The following NFKBIZ variants were observed in gnomAD, a reference collection of about 807,000 sequenced individuals.
The protein encoded by NFKBIZ is NFKB inhibitor zeta.
A neutral mutation model predicts 76.8 loss-of-function variants in NFKBIZ; 19 were observed. That is an observed-to-expected ratio of 0.25 (90% CI 0.17 to 0.36). The LOEUF (loss-of-function observed/expected upper bound fraction) is 0.36. NFKBIZ is among the 10% of genes least tolerant of loss of function. The pLI is 1.00. For missense variants in NFKBIZ, 829 were observed against 910.9 expected (o/e 0.91, Z 1.16); for synonymous variants, 368 against 354.8 (o/e 1.04, Z -0.42).
At chr3:101,834,493 TGGGACTACA>T (rs1024945783) in intron 2 of NFKBIZ, among the ~76,000 whole-genome samples, 12 of 152,174 alleles carry the variant, frequency 7.9e-5, no homozygotes, top group African/African-American at 2.9e-4. Context: ...CCAGAGTAGC[TGGGACTACA>T]GGCACCCGCC....
At chr3:101,837,277 T>G (rs1161957690) in intron 2 of NFKBIZ, among the ~76,000 whole-genome samples, 2 of 152,182 alleles carry the variant, frequency 1.3e-5, no homozygotes, top group African/African-American at 2.4e-5. Context: ...TAGCTTTTCT[T>G]TCTCACTAGT....
At chr3:101,836,931 C>T (rs548284838) in intron 2 of NFKBIZ, among the ~76,000 whole-genome samples, 24 of 152,266 alleles carry the variant, frequency 1.6e-4, no homozygotes, top group South Asian at 6.2e-4. Flanking sequence ...ATTATCTATT[C>T]GTATCTACTT....
At chr3:101,858,184 A>G (rs1943079331) in intron 11 of NFKBIZ, 1 of 985,238 alleles carries the variant, frequency 1.0e-6, no homozygotes, top group Non-Finnish European at 1.2e-6. Flanking sequence ...ATACTTTACT[A>G]ATCACAAAAT....
intron 2 of NFKBIZ, among the ~76,000 whole-genome samples, chr3:101,837,491 C>CAA (rs10713154): frequency 0.026 from 2,375 of 93,082 alleles, 68 homozygotes; most frequent in African/African-American, 0.082. Context: ...GATCCTGTCT[C>CAA]AAAAAAAAAA....
intron 2 of NFKBIZ, among the ~76,000 whole-genome samples, chr3:101,832,104 CTTTTTTA>C (rs1391633264): frequency 3.3e-5 from 5 of 151,862 alleles, no homozygotes; most frequent in African/African-American, 4.8e-5. Flanking sequence ...TTCTTTCTTT[CTTTTTTA>C]TTTTTTATTG....
chr3:101,857,071 A>G lies in NFKBIZ; in HGVS notation c.1825-2A>G. On this transcript the variant is annotated splice_acceptor_variant, in intron 9 of 11. Transcript: ENST00000326172. LOFTEE classifies it high-confidence loss of function. ...TTTTTCCTCCCTCTTGCCTTTGACA[A>G]GGATCGCAAAAGTGGCCGCACAGCC... 1 of 1,600,894 alleles carries G rather than the reference A, an allele frequency of 6.2e-7. No individual in the cohort carries two copies. The highest frequency in any genetic ancestry group is 8.5e-7 in the Non-Finnish European group (1 of 1,172,266).
chr3:101,829,359 T>C (rs1181444972), intron 1 of NFKBIZ, among the ~76,000 whole-genome samples: 2 of 152,168 alleles, frequency 1.3e-5, no homozygotes, highest in African/African-American at 4.8e-5. Flanking sequence ...ATCCAGCTGT[T>C]CAGATACAGA....
upstream of NFKBIZ, among the ~76,000 whole-genome samples, chr3:101,847,512 C>G (rs1942868557): frequency 6.6e-6 from 1 of 152,198 alleles, no homozygotes; most frequent in Non-Finnish European, 1.5e-5. Flanking sequence ...GTTGTTTGAA[C>G]ATTATGGAAT....
chr3:101,845,095 C>T (rs1441287132), upstream of NFKBIZ, among the ~76,000 whole-genome samples: 5 of 151,686 alleles, frequency 3.3e-5, no homozygotes, highest in South Asian at 2.1e-4. Context: ...GGTGAAACCC[C>T]GTCTCTATTA....
chr3:101,853,512 G>A lies in NFKBIZ; in HGVS notation c.986G>A (p.Gly329Asp), dbSNP rs1193148411. 6.2e-7 allele frequency: 1 copy of A among 1,614,130 alleles called. No individual in the cohort carries two copies. The highest frequency in any genetic ancestry group is 1.3e-5 in the African/African-American group (1 of 75,008). Reference sequence around the variant, plus strand: ...GCTTATGAACCAAACCTCTTTGATGGTCCAGAATCACAGTTTTGCCCAAAC... The same window carrying A: ...GCTTATGAACCAAACCTCTTTGATGATCCAGAATCACAGTTTTGCCCAAAC... ...SPAYEPNLFD[G>D]PESQFCPNQS... The change falls in exon 5 of 12, where the codon GGT becomes GAT. Residue 329 changes from glycine (G) to aspartate (D), a missense_variant. Coordinates refer to ENST00000326172, the MANE Select transcript of NFKBIZ (RefSeq NM_031419.4).
intron 7 of NFKBIZ, 30 bp from the exon 8 acceptor site, chr3:101,855,365 C>A: frequency 6.2e-7 from 1 of 1,612,394 alleles, no homozygotes; most frequent in African/African-American, 1.3e-5. Flanking sequence ...GCTTATGTAG[C>A]TAACAGATGT....
intron 2 of NFKBIZ, among the ~76,000 whole-genome samples, chr3:101,830,432 C>G (rs946973442): frequency 6.6e-6 from 1 of 152,274 alleles, no homozygotes; most frequent in Non-Finnish European, 1.5e-5. Context: ...GATCCCATCA[C>G]CCAGGTACTG....
chr3:101,849,801 C>T lies in NFKBIZ; in HGVS notation c.173C>T (p.Ser58Leu), dbSNP rs189392097. 2.1e-5 allele frequency: 31 copies of T among 1,469,988 alleles called. No homozygotes were observed. The Admixed American group carries it at 5.7e-4, about 27-fold the overall frequency. The allele number at this position is 1,469,988 out of a possible 1,614,324, so 91.1% of individuals were successfully genotyped here. The change falls in exon 1 of 12, where the codon TCG becomes TTG. Residue 58 changes from serine to leucine, a missense_variant. By Grantham distance (145) the Ser-to-Leu change is moderately radical. Around this residue, in one of 4 missense-constraint regions of NFKBIZ, gnomAD observed 181 missense variants for 175.3 expected, o/e 1.03. Transcript: ENST00000326172. Reference protein sequence around the residue: ...CDASCSVLGPSAPGSPGSDSS... With the variant: ...CDASCSVLGPLAPGSPGSDSS... ...GCCAGCTGCTCGGTCTTGGGCCCCTCGGCGCCCGGCTCGCCCGGCTCCGAC... is the reference window on the plus strand; with the variant it reads ...GCCAGCTGCTCGGTCTTGGGCCCCTTGGCGCCCGGCTCGCCCGGCTCCGAC...
At chr3:101,845,751 C>A (rs1211379033), upstream of NFKBIZ, among the ~76,000 whole-genome samples, 1 of 152,116 alleles carries the variant, frequency 6.6e-6, no homozygotes, top group Non-Finnish European at 1.5e-5. Flanking sequence ...GGAAAGATAG[C>A]GTTCTCATAT....
chr3:101,856,822 T>C lies in NFKBIZ; in HGVS notation c.1825-251T>C, dbSNP rs1259572139. ...TAGGATTTAAAAATATTTATTTTTC[T>C]ACATTTTATGGCCACCCTGTATAAA... On this transcript the variant is annotated intron_variant, in intron 9 of 11. Coordinates refer to ENST00000326172, the MANE Select transcript of NFKBIZ (RefSeq NM_031419.4). The C allele has an allele frequency of 1.1e-5, 4 of 376,306 alleles. No homozygotes were observed. The East Asian group carries it at 1.3e-4, about 13-fold the overall frequency. The allele number at this position is 376,306 out of a possible 1,614,324, so 23.3% of individuals were successfully genotyped here.
At position 101,860,435 on chromosome 3, in the gene NFKBIZ, C is replaced by T. The variant is rs1180699666; in HGVS notation, c.*1064C>T. On this transcript the variant is annotated 3_prime_UTR_variant, in exon 12 of 12. Transcript: ENST00000326172. ...CATGCCATCTGCCTGCCTTAGTCTCCCAAAATGCTGGGATTACAGGAGTGA... is the reference window on the plus strand; with the variant it reads ...CATGCCATCTGCCTGCCTTAGTCTCTCAAAATGCTGGGATTACAGGAGTGA... 1 of 152,182 alleles carries T rather than the reference C, an allele frequency of 6.6e-6. No homozygotes were observed. Among genetic ancestry groups the T allele is most frequent in the Non-Finnish European group, 1.5e-5 (1 of 68,058 alleles). The allele number at this position is 152,182 out of a possible 1,614,324, so 9.4% of individuals were successfully genotyped here.
rs1331770467 is a variant in NFKBIZ, at chr3:101,860,629, GATA to G, written c.*1261_*1263del. 1.3e-5 allele frequency: 2 copies of G among 151,994 alleles called. No homozygotes were observed. The highest frequency in any genetic ancestry group is 4.8e-5 in the African/African-American group (2 of 41,356). The allele number at this position is 151,994 out of a possible 1,614,324, so 9.4% of individuals were successfully genotyped here. A position where few individuals can be genotyped will look rare whatever the true frequency, so the allele number is the denominator to read the frequency against. ...TTCCTGTTTTCTGTTGTCAAATGAT[GATA>G]ATGTGCCATGATGTTTTATATATAT... On this transcript the variant is annotated 3_prime_UTR_variant, in exon 12 of 12. Coordinates refer to ENST00000326172, the MANE Select transcript of NFKBIZ (RefSeq NM_031419.4).
At chr3:101,840,743 T>G (rs936286070) in intron 2 of NFKBIZ, among the ~76,000 whole-genome samples, 2 of 152,208 alleles carry the variant, frequency 1.3e-5, no homozygotes, top group African/African-American at 4.8e-5. Flanking sequence ...GTGACCTGAC[T>G]TTGTGCAAGG....
chr3:101,849,676 G>A lies in NFKBIZ; in HGVS notation c.48G>A (p.Leu16=). 1 of 1,393,276 alleles carries A rather than the reference G, an allele frequency of 7.2e-7. No homozygotes were observed. Among genetic ancestry groups the A allele is most frequent in the South Asian group, 1.6e-5 (1 of 61,594 alleles). 86.3% of individuals were successfully genotyped at this position (1,393,276 alleles called of 1,614,324 possible). A position where few individuals can be genotyped will look rare whatever the true frequency, so the allele number is the denominator to read the frequency against. The change falls in exon 1 of 12, where the codon CTG becomes CTA. Residue 16 remains leucine (L), a synonymous_variant. Coordinates refer to ENST00000326172, the MANE Select transcript of NFKBIZ (RefSeq NM_031419.4). ...ACGACAGCCGCGGCGGAGAGGGGCT[G>A]CGGGACGCGGCGGGCGGCTGCGGCC... The part of the protein sequence containing the change: ...LLDDSRGGEG[L]RDAAGGCGLM...
Sources: allele counts gnomAD v4.1 joint callset (sites outside exome capture counted in the v4.1 genomes callset), GRCh38; gene constraint gnomAD v4.1.1; regional missense constraint gnomAD v4.1.1; transcripts MANE v1.5; gene names NCBI Gene and HGNC (gene_info 2026-07-23, HGNC 2026-07-21).